ZC3H12B: variants seen among roughly 807,000 people sequenced by gnomAD.
ZC3H12B encodes the protein zinc finger CCCH-type containing 12B, also known as probable ribonuclease ZC3H12B.
ZC3H12B carries 7 observed loss-of-function variants against 43.9 expected under a neutral mutation model. The observed-to-expected ratio is 0.16, with a 90% CI of 0.09 to 0.30. ZC3H12B has a LOEUF of 0.30. Ranked by LOEUF, ZC3H12B falls within the 10% of genes least tolerant of loss-of-function variation. The probability of loss-of-function intolerance (pLI) is 1.00; values close to 1 mark genes in which losing one functional copy is unlikely to be tolerated. For missense variants in ZC3H12B, 475 were observed against 670.2 expected, an observed-to-expected ratio of 0.71 and a Z score of 3.22; for synonymous variants, 222 against 241.7, an observed-to-expected ratio of 0.92 and a Z score of 0.76.
chrX:65,214,424 C>T, the ZC3H12B span, among the ~76,000 whole-genome samples: 1 of 111,648 alleles, frequency 9.0e-6, no homozygotes, highest in Admixed American at 9.6e-5. Flanking sequence ...CTGTAATATT[C>T]TAAATATGTT....
the ZC3H12B span, among the ~76,000 whole-genome samples, chrX:65,220,622 T>C: frequency 8.9e-6 from 1 of 112,085 alleles, no homozygotes; most frequent in Non-Finnish European, 1.9e-5. Context: ...TATGTATTGA[T>C]AAAAGGACTA....
At chrX:65,212,558 A>T in the ZC3H12B span, among the ~76,000 whole-genome samples, 3 of 78,204 alleles carry the variant, frequency 3.8e-5, no homozygotes, top group African/African-American at 1.5e-4. Flanking sequence ...ATATTATATT[A>T]TATGTTATAT....
chrX:65,226,237 A>G, the ZC3H12B span, among the ~76,000 whole-genome samples: 1 of 111,701 alleles, frequency 9.0e-6, no homozygotes, highest in Non-Finnish European at 1.9e-5. Flanking sequence ...TCTTAAAAGA[A>G]TTTTCAACCC....
At chrX:65,473,464 G>C (rs769111113) in intron 3 of ZC3H12B, among the ~76,000 whole-genome samples, 2 of 112,289 alleles carry the variant, frequency 1.8e-5, no homozygotes, top group Non-Finnish European at 3.8e-5. Flanking sequence ...GATTTTGATA[G>C]AGATTACGTT....
the ZC3H12B span, among the ~76,000 whole-genome samples, chrX:65,278,438 G>T: frequency 9.0e-6 from 1 of 111,556 alleles, no homozygotes; most frequent in Admixed American, 9.5e-5. Flanking sequence ...ATAGAATCAA[G>T]AAATAATAAT....
chrX:65,284,651 C>CT, the ZC3H12B span, among the ~76,000 whole-genome samples: 1 of 110,416 alleles, frequency 9.1e-6, no homozygotes, highest in African/African-American at 3.3e-5. Context: ...ATCCCATCTA[C>CT]TTGGGAGGCT....
chrX:65,392,246 C>T (rs974622713), intron 2 of ZC3H12B, among the ~76,000 whole-genome samples: 4 of 111,418 alleles, frequency 3.6e-5, no homozygotes, highest in Middle Eastern at 9.3e-3. Flanking sequence ...ATGTGAGGAG[C>T]CCCTCTGCCT....
the ZC3H12B span, among the ~76,000 whole-genome samples, chrX:65,155,132 A>G: frequency 9.1e-6 from 1 of 109,724 alleles, no homozygotes; most frequent in Non-Finnish European, 1.9e-5. Flanking sequence ...ACTTTTTTGT[A>G]TTTTTTATAG....
At chrX:65,169,711 G>T in the ZC3H12B span, among the ~76,000 whole-genome samples, 3 of 111,570 alleles carry the variant, frequency 2.7e-5, no homozygotes, top group African/African-American at 9.8e-5. Context: ...TATGAATCTG[G>T]GTGTTCCTGT....
chrX:65,438,094 TG>T (rs1448305502), intron 3 of ZC3H12B, among the ~76,000 whole-genome samples: 1 of 112,107 alleles, frequency 8.9e-6, no homozygotes, highest in Non-Finnish European at 1.9e-5. Context: ...TCTGATTCTG[TG>T]GCAGTATTAT....
the ZC3H12B span, among the ~76,000 whole-genome samples, chrX:65,221,996 C>A: frequency 9.0e-6 from 1 of 111,312 alleles, no homozygotes; most frequent in African/African-American, 3.3e-5. Flanking sequence ...AAAAGATAAT[C>A]CACCATGATC....
the ZC3H12B span, among the ~76,000 whole-genome samples, chrX:65,040,468 A>G: frequency 9.1e-6 from 1 of 109,988 alleles, no homozygotes; most frequent in Non-Finnish European, 1.9e-5. Flanking sequence ...CTGTAGAAAC[A>G]AGGAAAAAAA....
chrX:65,276,665 C>T, the ZC3H12B span, among the ~76,000 whole-genome samples: 1 of 111,701 alleles, frequency 9.0e-6, no homozygotes, highest in African/African-American at 3.2e-5. Flanking sequence ...GGAAAGTCAT[C>T]ACTACTAGAC....
chrX:65,351,735 G>A, the ZC3H12B span, among the ~76,000 whole-genome samples: 2 of 112,405 alleles, frequency 1.8e-5, no homozygotes, highest in Non-Finnish European at 3.8e-5. Context: ...ATCACCGGTC[G>A]TTAGAGAAAT....
chrX:65,332,324 G>T, the ZC3H12B span, among the ~76,000 whole-genome samples: 1 of 110,604 alleles, frequency 9.0e-6, no homozygotes, highest in South Asian at 3.8e-4. Context: ...TATGTCCAGG[G>T]GCATGCTTAA....
the ZC3H12B span, among the ~76,000 whole-genome samples, chrX:65,180,979 A>AC: frequency 9.0e-6 from 1 of 111,436 alleles, no homozygotes; most frequent in Non-Finnish European, 1.9e-5. Flanking sequence ...AACTGGAGGC[A>AC]CCACGCTACC....
chrX:65,329,172 A>G, the ZC3H12B span, among the ~76,000 whole-genome samples: 1 of 111,425 alleles, frequency 9.0e-6, no homozygotes, highest in Non-Finnish European at 1.9e-5. Context: ...CCAACAGTGT[A>G]AAAGTGTTCC....
the ZC3H12B span, among the ~76,000 whole-genome samples, chrX:65,162,371 T>G: frequency 1.8e-5 from 2 of 112,160 alleles, no homozygotes; most frequent in Non-Finnish European, 3.8e-5. Flanking sequence ...TTTTCCAACT[T>G]CGTTCCGTTC....
chrX:65,345,051 G>C, the ZC3H12B span, among the ~76,000 whole-genome samples: 1 of 112,212 alleles, frequency 8.9e-6, no homozygotes, highest in Admixed American at 9.4e-5. Flanking sequence ...AAAAATAACA[G>C]ATGCTGCTGA....
Sources: gnomAD v4.1 joint callset for allele counts (sites outside exome capture counted in the v4.1 genomes callset) on GRCh38, gnomAD v4.1.1 for gene constraint, MANE v1.5 for transcripts, NCBI Gene and HGNC (gene_info 2026-07-23, HGNC 2026-07-21) for gene names.